EBF1: variants seen among roughly 807,000 people sequenced by gnomAD.
EBF1 encodes transcription factor COE1.
EBF1 carries 10 observed loss-of-function variants against 68.4 expected under a neutral mutation model. That is an observed-to-expected ratio of 0.15 (90% CI 0.09 to 0.25). The LOEUF (loss-of-function observed/expected upper bound fraction) is 0.25, where lower values mean the gene tolerates loss of function less well. Ranked by LOEUF, EBF1 falls within the 10% of genes least tolerant of loss-of-function variation. The pLI is 1.00. For synonymous variants in EBF1, 298 were observed against 299.8 expected, an observed-to-expected ratio of 0.99 and a Z score of 0.06; for missense variants, 509 against 794.4, an observed-to-expected ratio of 0.64 and a Z score of 4.32.
At chr5:158,766,649 T>TA (rs953869992) in intron 10 of EBF1, among the ~76,000 whole-genome samples, 3 of 152,200 alleles carry the variant, frequency 2.0e-5, no homozygotes, top group Admixed American at 6.5e-5. Context: ...TTAAAAATTC[T>TA]AAAAAAAGAC....
chr5:158,778,540 T>C (rs769823368), intron 9 of EBF1, among the ~76,000 whole-genome samples: 67 of 152,160 alleles, frequency 4.4e-4, no homozygotes, highest in Non-Finnish European at 7.8e-4. Flanking sequence ...TCTGTTCTCA[T>C]GGGGATAACT....
At chr5:158,820,886 G>A (rs2127845147) in intron 8 of EBF1, among the ~76,000 whole-genome samples, 1 of 152,298 alleles carries the variant, frequency 6.6e-6, no homozygotes, top group East Asian at 1.9e-4. Context: ...GTCTCAAACT[G>A]TTGACCTGTG....
intron 8 of EBF1, among the ~76,000 whole-genome samples, chr5:158,813,011 C>T (rs1782986810): frequency 6.6e-6 from 1 of 152,174 alleles, no homozygotes; most frequent in South Asian, 2.1e-4. Flanking sequence ...GGGTCCTACA[C>T]TGTTTCCTGG....
chr5:158,908,973 C>A (rs1805280399), intron 6 of EBF1, among the ~76,000 whole-genome samples: 1 of 152,184 alleles, frequency 6.6e-6, no homozygotes, highest in Admixed American at 6.5e-5. Context: ...CAACAGTGCC[C>A]CTCCTGCCGT....
chr5:158,951,334 G>A (rs2127501579), intron 6 of EBF1, among the ~76,000 whole-genome samples: 1 of 152,272 alleles, frequency 6.6e-6, no homozygotes, highest in South Asian at 2.1e-4. Context: ...ATGAGAGAAG[G>A]CAATGGCAAA....
At chr5:159,086,222 G>C (rs1377500261) in intron 4 of EBF1, among the ~76,000 whole-genome samples, 2 of 152,030 alleles carry the variant, frequency 1.3e-5, no homozygotes, top group African/African-American at 4.8e-5. Flanking sequence ...TTTCTCTGTA[G>C]TTTTTTCTGA....
chr5:158,857,559 G>C (rs1374618200), intron 6 of EBF1, among the ~76,000 whole-genome samples: 1 of 151,992 alleles, frequency 6.6e-6, no homozygotes, highest in African/African-American at 2.4e-5. Context: ...TATACTCTTT[G>C]AATTGCTCAC....
At chr5:158,911,279 G>C (rs17056340) in intron 6 of EBF1, among the ~76,000 whole-genome samples, 20,573 of 152,028 alleles carry the variant, frequency 0.14, 1,488 homozygotes, top group African/African-American at 0.16. Context: ...AACATTCAAG[G>C]CTTGCTCATT....
At chr5:158,953,997 T>G (rs900042294) in intron 6 of EBF1, among the ~76,000 whole-genome samples, 1 of 152,232 alleles carries the variant, frequency 6.6e-6, no homozygotes, top group Non-Finnish European at 1.5e-5. Flanking sequence ...TTTATATGAA[T>G]AGCAAGATGT....
chr5:158,737,530 C>A (rs1765480209), intron 10 of EBF1, among the ~76,000 whole-genome samples: 1 of 151,900 alleles, frequency 6.6e-6, no homozygotes, highest in Admixed American at 6.6e-5. Flanking sequence ...GTGATCCGCC[C>A]GCTTCGGCCT....
intron 9 of EBF1, among the ~76,000 whole-genome samples, chr5:158,780,929 G>C (rs1284016219): frequency 6.6e-6 from 1 of 152,160 alleles, no homozygotes; most frequent in Non-Finnish European, 1.5e-5. Flanking sequence ...AGTGATTAGA[G>C]AACAGATTCA....
intron 6 of EBF1, among the ~76,000 whole-genome samples, chr5:158,860,807 A>T (rs1226439671): frequency 6.6e-6 from 1 of 152,032 alleles, no homozygotes; most frequent in Non-Finnish European, 1.5e-5. Flanking sequence ...TCGGCGCATA[A>T]ATCCCTTTTG....
intron 6 of EBF1, among the ~76,000 whole-genome samples, chr5:158,851,153 T>A (rs947913285): frequency 8.6e-5 from 13 of 151,492 alleles, no homozygotes; most frequent in African/African-American, 3.2e-4. Flanking sequence ...GGCAGGCGGA[T>A]CACCTGAGGT....
intron 6 of EBF1, among the ~76,000 whole-genome samples, chr5:159,062,617 T>G (rs1232838580): frequency 6.6e-6 from 1 of 152,212 alleles, no homozygotes; most frequent in Non-Finnish European, 1.5e-5. Flanking sequence ...AGGCGCTGCT[T>G]GCACAGGGGT....
intron 6 of EBF1, among the ~76,000 whole-genome samples, chr5:158,865,350 T>C (rs1424770365): frequency 1.3e-5 from 2 of 152,170 alleles, no homozygotes; most frequent in Non-Finnish European, 2.9e-5. Flanking sequence ...CACTTATCAG[T>C]TGTGTGATCA....
At chr5:158,863,728 A>AT (rs1202590744) in intron 6 of EBF1, among the ~76,000 whole-genome samples, 2 of 152,148 alleles carry the variant, frequency 1.3e-5, no homozygotes, top group African/African-American at 4.8e-5. Flanking sequence ...CATAATCTTG[A>AT]TTTTTTTCAT....
At chr5:159,065,932 T>C (rs1776724605) in intron 6 of EBF1, among the ~76,000 whole-genome samples, 1 of 152,136 alleles carries the variant, frequency 6.6e-6, no homozygotes, top group South Asian at 2.1e-4. Context: ...TCCCCCTTTA[T>C]ATTTCATGAG....
At chr5:158,868,602 C>T (rs1267181110) in intron 6 of EBF1, among the ~76,000 whole-genome samples, 1 of 152,170 alleles carries the variant, frequency 6.6e-6, no homozygotes, top group African/African-American at 2.4e-5. Flanking sequence ...TGAGCAACGT[C>T]TGATGCTCAA....
At position 158,840,658 on chromosome 5, in the gene EBF1, T is replaced by G. The variant is rs934571653; in HGVS notation, c.555-548A>C. 4.8e-4 allele frequency among the ~76,000 whole-genome samples: 49 copies of G among 102,500 alleles called. 1 individual carries two copies. Among genetic ancestry groups the G allele is most frequent in the Admixed American group, 1.1e-3 (11 of 10,432 alleles). The allele number at this position is 102,500 out of a possible 152,430, so 67.2% of individuals were successfully genotyped here. A position where few individuals can be genotyped will look rare whatever the true frequency, so the allele number is the denominator to read the frequency against. ...CAAATACCTCCTGTTTTTTTTTTTTTTTTTTTTTTTTTTTGTTTTTTTTTT... is the reference window on the plus strand; with the variant it reads ...CAAATACCTCCTGTTTTTTTTTTTTGTTTTTTTTTTTTTTGTTTTTTTTTT... On this transcript the variant is annotated intron_variant, in intron 6 of 15. Coordinates refer to ENST00000313708, the MANE Select transcript of EBF1 (RefSeq NM_024007.5).
Sources: allele counts gnomAD v4.1 joint callset (sites outside exome capture counted in the v4.1 genomes callset), GRCh38; gene constraint gnomAD v4.1.1; transcripts MANE v1.5; gene names NCBI Gene and HGNC (gene_info 2026-07-23, HGNC 2026-07-21).